STX6: variants seen among roughly 807,000 people sequenced by gnomAD.
The protein encoded by STX6 is syntaxin 6.
A neutral mutation model predicts 38.0 loss-of-function variants in STX6; 23 were observed. The observed-to-expected ratio is 0.60, with a 90% CI of 0.43 to 0.86. The LOEUF is 0.86. Among genes scored for constraint, STX6 ranks in the 40% least tolerant of loss-of-function variants. The pLI, the probability that STX6 is intolerant of heterozygous loss-of-function variation, is 0.00. For synonymous variants in STX6, 123 were observed against 107.5 expected (o/e 1.14, Z -0.89); for missense variants, 274 against 312.9 (o/e 0.88, Z 0.94).
chr1:181,014,683 C>A (rs749929278), intron 1 of STX6, among the ~76,000 whole-genome samples: 5 of 152,174 alleles, frequency 3.3e-5, no homozygotes, highest in Non-Finnish European at 5.9e-5. Flanking sequence ...CTGCCCCATA[C>A]CCCACAAACC....
intron 1 of STX6, among the ~76,000 whole-genome samples, chr1:181,013,157 CAA>C (rs11400378): frequency 1.4e-5 from 2 of 139,014 alleles, no homozygotes; most frequent in Admixed American, 1.4e-4. Flanking sequence ...AAATACAGTC[CAA>C]AAAAAAAAAA....
At chr1:181,022,344 C>T (rs1219494327) in intron 1 of STX6, among the ~76,000 whole-genome samples, 2 of 152,206 alleles carry the variant, frequency 1.3e-5, no homozygotes, top group Non-Finnish European at 2.9e-5. Flanking sequence ...TCCTTCCCCA[C>T]CTGCAGAGCT....
intron 1 of STX6, among the ~76,000 whole-genome samples, chr1:181,013,275 A>C (rs969507224): frequency 1.3e-5 from 2 of 152,182 alleles, no homozygotes; most frequent in Admixed American, 1.3e-4. Flanking sequence ...TTTGTCATTC[A>C]GTTGTACCAA....
chr1:181,019,311 C>A (rs1244155380), intron 1 of STX6, among the ~76,000 whole-genome samples: 4 of 144,642 alleles, frequency 2.8e-5, no homozygotes, highest in African/African-American at 1.0e-4. Context: ...ATGTGTTCAA[C>A]ATTTACACTA....
Position 181,001,162 on chromosome 1 carries a change from C to A in STX6, c.300+1444G>T, listed in dbSNP as rs942966198. ...AGAATATATAAAGTTCAGTGATAAT[C>A]TACCATTTGAAATAATTTCAAAAGG... On this transcript the variant is annotated intron_variant, in intron 3 of 7. Coordinates refer to ENST00000258301, the MANE Select transcript of STX6 (RefSeq NM_005819.6). Among the ~76,000 whole-genome samples, 3 of 152,098 alleles carry A rather than the reference C, an allele frequency of 2.0e-5. No homozygotes were observed. In the East Asian group the frequency reaches 5.9e-4, roughly 30 times the overall value.
At chr1:180,993,505 A>C in intron 3 of STX6, 80 bp from the exon 4 acceptor site, 1 of 720,838 alleles carries the variant, frequency 1.4e-6, no homozygotes, top group Non-Finnish European at 2.4e-6. Flanking sequence ...CATTAGCAAA[A>C]CACACAATTT....
intron 1 of STX6, among the ~76,000 whole-genome samples, chr1:181,020,325 G>C (rs1297788486): frequency 6.6e-6 from 1 of 152,174 alleles, no homozygotes; most frequent in Non-Finnish European, 1.5e-5. Flanking sequence ...ATCAGATTTA[G>C]AAGACTTAGT....
chr1:181,022,077 C>T (rs967489362), intron 1 of STX6, among the ~76,000 whole-genome samples: 1 of 152,150 alleles, frequency 6.6e-6, no homozygotes, highest in Non-Finnish European at 1.5e-5. Flanking sequence ...TGCCCTGCTC[C>T]CCAGCCTCCC....
intron 3 of STX6, among the ~76,000 whole-genome samples, chr1:180,997,541 A>G (rs917275996): frequency 3.3e-5 from 5 of 152,204 alleles, no homozygotes; most frequent in African/African-American, 1.2e-4. Context: ...TGCCAGATTT[A>G]TTACAAAAAC....
At chr1:181,013,368 G>A (rs1376498578) in intron 1 of STX6, among the ~76,000 whole-genome samples, 1 of 152,146 alleles carries the variant, frequency 6.6e-6, no homozygotes, top group African/African-American at 2.4e-5. Flanking sequence ...AACCAGGCTG[G>A]AGTGCAGTGG....
chr1:181,007,317 G>A (rs1325323798), intron 1 of STX6, among the ~76,000 whole-genome samples: 1 of 151,390 alleles, frequency 6.6e-6, no homozygotes, highest in Admixed American at 6.6e-5. Context: ...GTATTGTTTA[G>A]GGAACAAGAA....
intron 1 of STX6, among the ~76,000 whole-genome samples, chr1:181,008,448 T>C (rs1656290897): frequency 6.6e-6 from 1 of 152,210 alleles, no homozygotes; most frequent in Non-Finnish European, 1.5e-5. Context: ...TTTGAGCATC[T>C]TGTTGGTGCT....
intron 7 of STX6, among the ~76,000 whole-genome samples, chr1:180,976,947 T>C (rs1354156801): frequency 6.6e-6 from 1 of 152,190 alleles, no homozygotes; most frequent in Non-Finnish European, 1.5e-5. Context: ...GTAGTTAGCA[T>C]ATCCTCAAAA....
intron 7 of STX6, among the ~76,000 whole-genome samples, chr1:180,982,743 C>CT (rs573295818): frequency 6.6e-5 from 10 of 152,040 alleles, no homozygotes; most frequent in Admixed American, 2.6e-4. Flanking sequence ...ATTAAAACAC[C>CT]TTTTTTTTGT....
At chr1:180,994,666 C>A (rs970185387) in intron 3 of STX6, among the ~76,000 whole-genome samples, 1 of 151,976 alleles carries the variant, frequency 6.6e-6, no homozygotes. Flanking sequence ...TTACCTGAGG[C>A]CAGAAGAGTG....
intron 1 of STX6, among the ~76,000 whole-genome samples, chr1:181,010,860 T>C (rs1466498019): frequency 6.6e-6 from 1 of 152,182 alleles, no homozygotes; most frequent in East Asian, 1.9e-4. Flanking sequence ...GAAAGGATCT[T>C]GGGGATCCCT....
chr1:180,986,215 A>G (rs1655578524), intron 6 of STX6, among the ~76,000 whole-genome samples: 1 of 152,240 alleles, frequency 6.6e-6, no homozygotes, highest in African/African-American at 2.4e-5. Context: ...GTACCATCCA[A>G]CAAAAATATG....
intron 1 of STX6, among the ~76,000 whole-genome samples, chr1:181,008,727 GTTTTT>G (rs55654509): frequency 6.3e-4 from 69 of 108,730 alleles, no homozygotes; most frequent in Middle Eastern, 0.012. Flanking sequence ...TTCCAAAATT[GTTTTT>G]TTTTTTTTTT....
chr1:181,018,446 G>A (rs1235519377), intron 1 of STX6, among the ~76,000 whole-genome samples: 5 of 134,386 alleles, frequency 3.7e-5, no homozygotes, highest in African/African-American at 1.4e-4. Context: ...CATATATAAC[G>A]TATAATCCCA....
Sources: gnomAD v4.1 joint callset for allele counts (sites outside exome capture counted in the v4.1 genomes callset) on GRCh38, gnomAD v4.1.1 for gene constraint, MANE v1.5 for transcripts, NCBI Gene and HGNC (gene_info 2026-07-23, HGNC 2026-07-21) for gene names.